The following CHCHD3 variants were observed in gnomAD, a reference collection of about 807,000 sequenced individuals.
The protein encoded by CHCHD3 is coiled-coil-helix-coiled-coil-helix domain containing 3.
Under a neutral mutation model 38.2 loss-of-function variants are expected in CHCHD3, and 20 were observed. That is an observed-to-expected ratio of 0.52 (90% confidence interval 0.37 to 0.76). The LOEUF is 0.76. Ranked by LOEUF, CHCHD3 falls within the 30% of genes least tolerant of loss-of-function variation. CHCHD3 has a pLI of 0.00. For missense variants in CHCHD3, 245 were observed against 279.2 expected (o/e 0.88, Z 0.87); for synonymous variants, 82 against 100.0 (o/e 0.82, Z 1.07).
intron 2 of CHCHD3, among the ~76,000 whole-genome samples, chr7:133,034,244 AG>A (rs1813582884): frequency 6.6e-6 from 1 of 152,338 alleles, no homozygotes; most frequent in African/African-American, 2.4e-5. Flanking sequence ...AAAAAGAAAA[AG>A]GATTTAAAGC....
intron 4 of CHCHD3, among the ~76,000 whole-genome samples, chr7:132,923,616 A>T (rs1401177628): frequency 1.3e-5 from 2 of 152,146 alleles, no homozygotes; most frequent in Non-Finnish European, 2.9e-5. Context: ...GTACGTTCAG[A>T]TCCTCAGCCA....
intron 6 of CHCHD3, among the ~76,000 whole-genome samples, chr7:132,814,539 A>G (rs1807151112): frequency 6.6e-6 from 1 of 152,190 alleles, no homozygotes; most frequent in African/African-American, 2.4e-5. Flanking sequence ...GACTAGGAGG[A>G]TTCTCCTTTC....
At chr7:133,038,047 A>G (rs542121307) in intron 2 of CHCHD3, among the ~76,000 whole-genome samples, 2 of 152,332 alleles carry the variant, frequency 1.3e-5, no homozygotes, top group Admixed American at 6.5e-5. Flanking sequence ...TGAACATTAC[A>G]TAGTATATCA....
rs1263915731 is a variant in CHCHD3 at position 132,788,976 on chromosome 7, A to G, written c.661-3316T>C. Among the ~76,000 whole-genome samples the G allele has an allele frequency of 6.6e-6, 1 of 152,232 alleles. No individual in the cohort carries two copies. Among genetic ancestry groups the G allele is most frequent in the Non-Finnish European group, 1.5e-5 (1 of 68,036 alleles). On this transcript the variant is annotated intron_variant, in intron 7 of 7. Coordinates refer to ENST00000262570, the MANE Select transcript of CHCHD3 (RefSeq NM_017812.4). This position sits in a 1 kb window ranked among gnomAD's most constrained non-coding sequence, Gnocchi z 4.0. ...CTGGATTTTTAAAAAAGATGAATTC[A>G]TCTGTCAAACATTTTGGGTTATTAT... is the stretch of plus-strand genomic sequence containing the variant.
At chr7:132,960,362 A>T (rs1811286587) in intron 4 of CHCHD3, among the ~76,000 whole-genome samples, 1 of 152,208 alleles carries the variant, frequency 6.6e-6, no homozygotes, top group Non-Finnish European at 1.5e-5. Flanking sequence ...GTGATGTGCA[A>T]GATGGAGAGA....
At chr7:133,000,478 G>C (rs1445246625) in intron 3 of CHCHD3, among the ~76,000 whole-genome samples, 1 of 151,954 alleles carries the variant, frequency 6.6e-6, no homozygotes, top group Non-Finnish European at 1.5e-5. Context: ...GGGAAGAAGA[G>C]AATACCAGAA....
intron 2 of CHCHD3, among the ~76,000 whole-genome samples, chr7:133,050,911 G>A (rs1353868365): frequency 6.6e-6 from 1 of 152,072 alleles, no homozygotes; most frequent in Non-Finnish European, 1.5e-5. Context: ...AGCTACTCAG[G>A]AGGCTGAGGC....
chr7:132,968,006 C>A (rs1811519874), intron 4 of CHCHD3, among the ~76,000 whole-genome samples: 1 of 152,152 alleles, frequency 6.6e-6, no homozygotes, highest in African/African-American at 2.4e-5. Flanking sequence ...CCTAGGCAGG[C>A]AAACTGAAAC....
In CHCHD3 at chr7:132,954,426, G is replaced by C. The variant is rs138705916; in HGVS notation, c.369+20743C>G. On this transcript the variant is annotated intron_variant, in intron 4 of 7. Coordinates refer to ENST00000262570, the MANE Select transcript of CHCHD3 (RefSeq NM_017812.4). ...ATTTTGCTGGCCTGACAGTTTAGGAGAATGTGGAAGAAGCTGTCAGGGCTG... is the reference window on the plus strand; with the variant it reads ...ATTTTGCTGGCCTGACAGTTTAGGACAATGTGGAAGAAGCTGTCAGGGCTG... 5.4e-3 allele frequency among the ~76,000 whole-genome samples: 815 copies of C among 152,246 alleles called. 7 individuals are homozygous for C. The highest frequency in any genetic ancestry group is 0.018 in the African/African-American group (753 of 41,528).
At position 132,788,766 on chromosome 7, in the gene CHCHD3, A is replaced by G. The variant is rs1381169177; in HGVS notation, c.661-3106T>C. Among the ~76,000 whole-genome samples, 1 of 151,262 alleles carries G rather than the reference A, an allele frequency of 6.6e-6. No individual in the cohort carries two copies. The highest frequency in any genetic ancestry group is 1.5e-5 in the Non-Finnish European group (1 of 68,024). On this transcript the variant is annotated intron_variant, in intron 7 of 7. Coordinates refer to ENST00000262570, the MANE Select transcript of CHCHD3 (RefSeq NM_017812.4). The surrounding 1 kb of genome is among the most constrained non-coding windows in gnomAD (Gnocchi z 4.0). ...CATGTATTAAAATTCTAATCCTCCA[A>G]GATAGCACAGTGGTTCAGCTGATTT...
intron 3 of CHCHD3, among the ~76,000 whole-genome samples, chr7:133,001,945 G>A (rs890230566): frequency 2.0e-5 from 3 of 152,180 alleles, no homozygotes; most frequent in Admixed American, 6.5e-5. Context: ...AACGCTGAAG[G>A]TAACCCTGAG....
chr7:132,886,901 C>A, intron 4 of CHCHD3: 2 of 931,038 alleles, frequency 2.1e-6, no homozygotes, highest in Non-Finnish European at 1.4e-6. Flanking sequence ...TGTCAAGGTG[C>A]CTGTCTACTC....
chr7:132,821,888 C>A (rs994813598), intron 6 of CHCHD3, among the ~76,000 whole-genome samples: 1 of 151,650 alleles, frequency 6.6e-6, no homozygotes, highest in Non-Finnish European at 1.5e-5. Context: ...TCAGCCTCCC[C>A]AGTAGCTGGG....
chr7:132,806,691 C>CT lies in CHCHD3; in HGVS notation c.525-10115dup, dbSNP rs879700699. On this transcript the variant is annotated intron_variant, in intron 6 of 7. Coordinates refer to ENST00000262570, the MANE Select transcript of CHCHD3 (RefSeq NM_017812.4). ...TGGAGGCAGTGACATCTCTAACAGA[C>CT]TTTTTTTTTTTTTAAGATTCACATG... is the stretch of plus-strand genomic sequence containing the variant. 3.2e-3 allele frequency among the ~76,000 whole-genome samples: 464 copies of CT among 145,684 alleles called. 2 individuals carry two copies. The highest frequency in any genetic ancestry group is 8.3e-3 in the African/African-American group (329 of 39,768).
At chr7:132,875,594 C>G (rs995726566) in intron 5 of CHCHD3, among the ~76,000 whole-genome samples, 1 of 152,190 alleles carries the variant, frequency 6.6e-6, no homozygotes, top group African/African-American at 2.4e-5. Context: ...CACACAGCCT[C>G]CATGGGCCCA....
chr7:133,062,831 C>A (rs1296199430), intron 2 of CHCHD3, among the ~76,000 whole-genome samples: 1 of 152,206 alleles, frequency 6.6e-6, no homozygotes, highest in East Asian at 1.9e-4. Context: ...TTTCATACCA[C>A]CTAGAAGCAC....
chr7:133,078,991 T>C (rs1214578549), intron 1 of CHCHD3, among the ~76,000 whole-genome samples: 1 of 152,174 alleles, frequency 6.6e-6, no homozygotes, highest in Non-Finnish European at 1.5e-5. Flanking sequence ...TTTCTTATCC[T>C]TCCCCATGTC....
chr7:132,946,456 G>A (rs1562917144), intron 4 of CHCHD3, among the ~76,000 whole-genome samples: 2 of 151,794 alleles, frequency 1.3e-5, no homozygotes, highest in Non-Finnish European at 2.9e-5. Flanking sequence ...GTTTGCTCAA[G>A]ATCTGAGTTA....
chr7:132,992,242 G>A (rs1812301939), intron 3 of CHCHD3, among the ~76,000 whole-genome samples: 1 of 152,164 alleles, frequency 6.6e-6, no homozygotes. Flanking sequence ...CTTTGTTCAA[G>A]CTAAGTCTGC....
Sources: allele counts gnomAD v4.1 joint callset (sites outside exome capture counted in the v4.1 genomes callset), GRCh38; gene constraint gnomAD v4.1.1; non-coding constraint Gnocchi (gnomAD v3.1); transcripts MANE v1.5; gene names NCBI Gene and HGNC (gene_info 2026-07-23, HGNC 2026-07-21).